CASP1: variants seen among roughly 807,000 people sequenced by gnomAD.
CASP1 encodes the protein caspase 1, also known as caspase-1.
Under a neutral mutation model 41.2 loss-of-function variants are expected in CASP1, and 31 were observed. The ratio of observed to expected loss-of-function variants is 0.75; its 90% CI spans 0.57 to 1.02. The LOEUF (loss-of-function observed/expected upper bound fraction) is 1.02. Ranked by LOEUF, CASP1 falls within the 50% of genes least tolerant of loss-of-function variation. CASP1 has a pLI of 0.00. For synonymous variants in CASP1, 163 were observed against 166.5 expected (o/e 0.98, Z 0.16); for missense variants, 490 against 495.7 (o/e 0.99, Z 0.11).
At chr11:105,036,633 T>C (rs1184227225), upstream of CASP1, among the ~76,000 whole-genome samples, 1 of 152,168 alleles carries the variant, frequency 6.6e-6, no homozygotes, top group Non-Finnish European at 1.5e-5. Flanking sequence ...CTTGCTCCTC[T>C]TTTGCCTTTT....
rs571857335 is a variant in CASP1 at position 105,033,198 on chromosome 11, A to G, written c.275-72T>C. The stretch of plus-strand genomic sequence containing the variant: ...AAAACTTTACCCCAATCTGTAAAAC[A>G]CTCCCCACTAAAAATTTCTCCCATA... On this transcript the variant is annotated intron_variant, in intron 2 of 8. Transcript: ENST00000533400. 28 of 794,568 alleles carry G rather than the reference A, an allele frequency of 3.5e-5. No individual in the cohort carries two copies. In the East Asian group the frequency reaches 7.0e-4, roughly 20 times the overall value. 49.2% of individuals were successfully genotyped at this position (794,568 alleles called of 1,614,324 possible). A position where few individuals can be genotyped will look rare whatever the true frequency, so the allele number is the denominator to read the frequency against.
intron 5 of CASP1, 150 bp from the exon 6 acceptor site, chr11:105,030,049 A>T: frequency 1.5e-6 from 1 of 677,402 alleles, no homozygotes; most frequent in South Asian, 1.9e-5. Context: ...AGTTTCAAGA[A>T]AGGTGAAGGA....
intron 3 of CASP1, among the ~76,000 whole-genome samples, chr11:105,031,897 G>T (rs578014038): frequency 1.3e-5 from 2 of 152,132 alleles, no homozygotes; most frequent in South Asian, 4.1e-4. Flanking sequence ...GTACACACTA[G>T]ATGGATTTAT....
At position 105,030,459 on chromosome 11, in the gene CASP1, G is replaced by A. The variant is rs897409593; in HGVS notation, c.498C>T (p.Leu166=). Residue 166 remains leucine, a synonymous_variant, in exon 5 of 9, where the codon CTC becomes CTT. Transcript: ENST00000533400. ...TGTCAAATTCTTCATTGCAGATAAT[G>A]AGAGCAAGACGTGTGCGGCTTGACT... ...MDKSSRTRLA[L]IICNEEFDSI... 2 of 1,613,466 alleles carry A rather than the reference G, an allele frequency of 1.2e-6. No individual in the cohort carries two copies. Among genetic ancestry groups the A allele is most frequent in the African/African-American group, 2.7e-5 (2 of 74,874 alleles).
rs1228643581 is a variant in CASP1, at chr11:105,029,203, A to G, written c.927T>C (p.Thr309=). 21 of 1,613,092 alleles carry G rather than the reference A, an allele frequency of 1.3e-5. No homozygotes were observed. The highest frequency in any genetic ancestry group is 1.8e-5 in the Non-Finnish European group (21 of 1,179,412). ...TAGCATCATCCTCAAACTCTTCTGTAGTTGGTAAAGATAGGTTTCCAGAAA... is the reference window on the plus strand; with the variant it reads ...TAGCATCATCCTCAAACTCTTCTGTGGTTGGTAAAGATAGGTTTCCAGAAA... ...VGVSGNLSLP[T]TEEFEDDAIK... The change falls in exon 7 of 9, where the codon ACT becomes ACC. Residue 309 remains threonine, a synonymous_variant. Coordinates refer to ENST00000533400, the MANE Select transcript of CASP1 (RefSeq NM_001257118.3).
In CASP1 at chr11:105,031,170, C is replaced by A; in HGVS notation, c.448G>T (p.Ala150Ser). ...EAQRIWKQKS[A>S]EIYPIMDKSS... is the part of the protein sequence containing the mutation. ...TTGGGTTCTGAGCATGGCACCTCTG[C>A]CGACTTTTGTTTCCATATCCTTTGA... The change falls in exon 4 of 9, where the codon GCA becomes TCA. Residue 150 changes from alanine (A) to serine (S), a missense_variant. Ala to Ser is a moderately conservative substitution (Grantham distance 99). Coordinates refer to ENST00000533400, the MANE Select transcript of CASP1 (RefSeq NM_001257118.3). The A allele has an allele frequency of 6.3e-7, 1 of 1,599,696 alleles. No homozygotes were observed.
chr11:105,026,050 T>G lies in CASP1; in HGVS notation c.*208A>C, dbSNP rs1051744312. ...AAACCTATAATTTGAAATGTTTCAA[T>G]AAACATTTCCTTTGAATATCATGTG... On this transcript the variant is annotated 3_prime_UTR_variant, in exon 9 of 9. Transcript: ENST00000533400. 2.3e-6 allele frequency: 1 copy of G among 438,466 alleles called. No homozygotes were observed. Among genetic ancestry groups the G allele is most frequent in the Non-Finnish European group, 4.1e-6 (1 of 246,012 alleles). The allele number at this position is 438,466 out of a possible 1,614,324, so 27.2% of individuals were successfully genotyped here.
rs748954850 is a variant in CASP1, at chr11:105,026,294, A to G, written c.1179T>C (p.Thr393=). 6 of 1,611,774 alleles carry G rather than the reference A, an allele frequency of 3.7e-6. No individual in the cohort carries two copies. In the South Asian group the frequency reaches 6.6e-5, roughly 18 times the overall value. The change falls in exon 9 of 9, where the codon ACT becomes ACC. Residue 393 remains threonine, a synonymous_variant. Coordinates refer to ENST00000533400, the MANE Select transcript of CASP1 (RefSeq NM_001257118.3). The part of the protein sequence containing the change: ...RAQMPTTERV[T]LTRCFYLFPG... ...GGAAGAGGTAGAAACATCTTGTCAA[A>G]GTCACTCTTTCAGTGGTGGGCATCT...
intron 7 of CASP1, among the ~76,000 whole-genome samples, chr11:105,027,908 C>A (rs908608980): frequency 1.8e-4 from 28 of 152,130 alleles, no homozygotes; most frequent in African/African-American, 6.0e-4. Flanking sequence ...TTATAGATAA[C>A]TGAATTGGAG....
At chr11:105,032,052 G>A (rs1210884777) in intron 3 of CASP1, among the ~76,000 whole-genome samples, 1 of 152,102 alleles carries the variant, frequency 6.6e-6, no homozygotes, top group Admixed American at 6.6e-5. Context: ...TGTAACCTTT[G>A]TTTTAAAATA....
chr11:105,034,487 C>A lies in CASP1; in HGVS notation c.8-13G>T. 1.2e-6 allele frequency: 2 copies of A among 1,613,296 alleles called. No individual in the cohort carries two copies. The highest frequency in any genetic ancestry group is 1.7e-6 in the Non-Finnish European group (2 of 1,179,406). The stretch of plus-strand genomic sequence containing the variant: ...TTCAGGACCTTGTCTGTTTAGAGCA[C>A]AAGGATTTCTCACATCATGAAAACA... On this transcript the variant is annotated splice_polypyrimidine_tract_variant and intron_variant, in intron 1 of 8. Coordinates refer to ENST00000533400, the MANE Select transcript of CASP1 (RefSeq NM_001257118.3).
upstream of CASP1, among the ~76,000 whole-genome samples, chr11:105,036,618 G>A (rs1307377641): frequency 2.6e-5 from 4 of 152,088 alleles, no homozygotes; most frequent in Non-Finnish European, 5.9e-5. Flanking sequence ...CATGTAAGAC[G>A]TGTCCTTGCT....
In CASP1 at chr11:105,029,187, C is replaced by T; in HGVS notation, c.943G>A (p.Asp315Asn). 1 of 1,613,314 alleles carries T rather than the reference C, an allele frequency of 6.2e-7. No homozygotes were observed. Among genetic ancestry groups the T allele is most frequent in the Non-Finnish European group, 8.5e-7 (1 of 1,179,492 alleles). ...LSLPTTEEFE[D>N]DAIKKAHIEK... ...ATGTGGGCTTTCTTAATAGCATCAT[C>T]CTCAAACTCTTCTGTAGTTGGTAAA... The change falls in exon 7 of 9, where the codon GAT becomes AAT. Residue 315 changes from aspartate (D) to asparagine (N), a missense_variant. Physicochemically the swap from Asp to Asn is conservative, Grantham distance 23 (BLOSUM62 1). Transcript: ENST00000533400.
chr11:105,027,080 G>A (rs370502964), intron 7 of CASP1, 129 bp from the exon 8 acceptor site: 158 of 710,342 alleles, frequency 2.2e-4, no homozygotes, highest in African/African-American at 1.6e-3. Flanking sequence ...AGGAAAAGGC[G>A]GAATGGGGTA....
At chr11:105,026,812 G>T (rs905009529) in intron 8 of CASP1, 30 bp downstream of exon 8, 2 of 1,086,194 alleles carry the variant, frequency 1.8e-6, no homozygotes, top group African/African-American at 1.5e-5. Flanking sequence ...CAGGGAAGTA[G>T]AGTGAAAATA....
At position 105,035,050 on chromosome 11, in the gene CASP1, C is replaced by T. The variant is rs1486395816; in HGVS notation, c.7+57G>A. On this transcript the variant is annotated intron_variant, in intron 1 of 8. Transcript: ENST00000533400. ...TAATTATGGCTTCCAGAAGAGCCAG[C>T]CCCTTCCAAAACTCTTTCTTCCCAG... 3 of 1,609,032 alleles carry T rather than the reference C, an allele frequency of 1.9e-6. No individual in the cohort carries two copies. In the East Asian group the frequency reaches 6.7e-5, roughly 36 times the overall value.
At chr11:105,032,032 A>C (rs1863729460) in intron 3 of CASP1, among the ~76,000 whole-genome samples, 1 of 152,204 alleles carries the variant, frequency 6.6e-6, no homozygotes, top group Admixed American at 6.5e-5. Flanking sequence ...GTCCTTGTTA[A>C]AGAAATTAAT....
At position 105,030,787 on chromosome 11, in the gene CASP1, G is replaced by T. The variant is rs1304549712; in HGVS notation, c.454-284C>A. 20 of 399,346 alleles carry T rather than the reference G, an allele frequency of 5.0e-5. No individual in the cohort carries two copies. The South Asian group carries it at 8.4e-4, about 17-fold the overall frequency. 24.7% of individuals were successfully genotyped at this position (399,346 alleles called of 1,614,324 possible). Reference sequence around the variant, plus strand: ...AAATGACTGAATTCTAAAACTGATTGTTCCAATTTCTGATTGTTTTTCTTT... The same window carrying T: ...AAATGACTGAATTCTAAAACTGATTTTTCCAATTTCTGATTGTTTTTCTTT... On this transcript the variant is annotated intron_variant, in intron 4 of 8. Coordinates refer to ENST00000533400, the MANE Select transcript of CASP1 (RefSeq NM_001257118.3).
In CASP1 at chr11:105,029,145, C is replaced by A; in HGVS notation, c.985G>T (p.Ala329Ser). The A allele has an allele frequency of 6.2e-7, 1 of 1,613,004 alleles. No homozygotes were observed. Among genetic ancestry groups the A allele is most frequent in the South Asian group, 1.1e-5 (1 of 91,026 alleles). ...KKAHIEKDFI[A>S]FCSSTPDNVS... Reference sequence around the variant, plus strand: ...TTACCTGGTGTGGAAGAGCAGAAAGCGATAAAATCCTTCTCTATGTGGGCT... The same window carrying A: ...TTACCTGGTGTGGAAGAGCAGAAAGAGATAAAATCCTTCTCTATGTGGGCT... The change falls in exon 7 of 9, where the codon GCT (alanine) becomes TCT (serine). Residue 329 changes from alanine to serine, a missense_variant. By Grantham distance (99) the Ala-to-Ser change is moderately conservative. Transcript: ENST00000533400.
Sources: gnomAD v4.1 joint callset for allele counts (sites outside exome capture counted in the v4.1 genomes callset) on GRCh38, gnomAD v4.1.1 for gene constraint, MANE v1.5 for transcripts, NCBI Gene and HGNC (gene_info 2026-07-23, HGNC 2026-07-21) for gene names.